CYTH2: variants seen among roughly 807,000 people sequenced by gnomAD.
The protein encoded by CYTH2 is cytohesin-2.
Under a neutral mutation model 55.4 loss-of-function variants are expected in CYTH2, and 24 were observed. The ratio of observed to expected loss-of-function variants is 0.43; its 90% CI spans 0.31 to 0.61. CYTH2 has a LOEUF of 0.61. Ranked by LOEUF, CYTH2 falls within the 20% of genes least tolerant of loss-of-function variation. The pLI, the probability that CYTH2 is intolerant of heterozygous loss-of-function variation, is 0.08. For synonymous variants in CYTH2, 221 were observed against 209.6 expected (o/e 1.05, Z -0.47); for missense variants, 378 against 533.5 (o/e 0.71, Z 2.87).
intron 1 of CYTH2, chr19:48,469,736 T>G: frequency 1.4e-6 from 1 of 727,722 alleles, no homozygotes; most frequent in Admixed American, 3.2e-5. Flanking sequence ...TGAGCCTGTT[T>G]CCGGTGGCGG....
chr19:48,476,052 CTG>C (rs755780824), intron 8 of CYTH2: 1 of 518,680 alleles, frequency 1.9e-6, no homozygotes, highest in Non-Finnish European at 3.9e-6. Context: ...GCTTTGGCCT[CTG>C]AGTCTTGGGG....
chr19:48,471,778 G>A (rs543064702), intron 3 of CYTH2, among the ~76,000 whole-genome samples: 5 of 152,304 alleles, frequency 3.3e-5, no homozygotes, highest in Admixed American at 6.5e-5. Flanking sequence ...GGCTGGGTTC[G>A]GTGGCTTATG....
At position 48,479,222 on chromosome 19, in the gene CYTH2, C is replaced by T; in HGVS notation, c.*12C>T. Reference sequence around the variant, plus strand: ...AGGAGCAGCCCTGACCCCCTGCCCCCAACTCCATTATTTATTACGGAGCTG... The same window carrying T: ...AGGAGCAGCCCTGACCCCCTGCCCCTAACTCCATTATTTATTACGGAGCTG... On this transcript the variant is annotated 3_prime_UTR_variant, in exon 12 of 12. Transcript: ENST00000452733. 6.2e-7 allele frequency: 1 copy of T among 1,613,804 alleles called. No homozygotes were observed. The highest frequency in any genetic ancestry group is 8.5e-7 in the Non-Finnish European group (1 of 1,179,804).
Position 48,473,315 on chromosome 19 carries a change from C to T in CYTH2, c.371C>T (p.Ala124Val). 3 of 1,614,094 alleles carry T rather than the reference C, an allele frequency of 1.9e-6. No individual in the cohort carries two copies. Among genetic ancestry groups the T allele is most frequent in the Middle Eastern group, 1.7e-4 (1 of 6,060 alleles). The change falls in exon 5 of 12, where the codon GCA (alanine) becomes GTA (valine). Residue 124 changes from alanine to valine, a missense_variant. Physicochemically the swap from Ala to Val is moderately conservative, Grantham distance 64 (BLOSUM62 0). Coordinates refer to ENST00000452733, the MANE Select transcript of CYTH2 (RefSeq NM_004228.7). Reference protein sequence around the residue: ...YLGEREELNLAVLHAFVDLHE... With the variant: ...YLGEREELNLVVLHAFVDLHE... ...CCTTCCAGGGAAGAACTGAACCTGG[C>T]AGTGCTCCATGCTTTTGTGGATCTG...
chr19:48,476,089 T>C, intron 8 of CYTH2: 1 of 501,898 alleles, frequency 2.0e-6, no homozygotes, highest in South Asian at 1.4e-5. Context: ...AACTGTGCTC[T>C]TAAACCAGGG....
In CYTH2 at chr19:48,479,562, G is replaced by A. The variant is rs1158968835; in HGVS notation, c.*352G>A. ...AGCAGGAGTGGAGTAAAGGGAGAAG[G>A]TTAATATGGTGGGAGTCTGGAGTTG... On this transcript the variant is annotated 3_prime_UTR_variant, in exon 12 of 12. Coordinates refer to ENST00000452733, the MANE Select transcript of CYTH2 (RefSeq NM_004228.7). 2 of 266,640 alleles carry A rather than the reference G, an allele frequency of 7.5e-6. No homozygotes were observed. Among genetic ancestry groups the A allele is most frequent in the Admixed American group, 4.8e-5 (1 of 20,894 alleles). The allele number at this position is 266,640 out of a possible 1,614,324, so 16.5% of individuals were successfully genotyped here.
At chr19:48,477,712 C>A in intron 8 of CYTH2, 1 of 273,518 alleles carries the variant, frequency 3.7e-6, no homozygotes. Context: ...CGCTGTCTGC[C>A]CCAGGAGGTA....
At chr19:48,477,702 C>T (rs1030849643) in intron 8 of CYTH2, 12 of 250,030 alleles carry the variant, frequency 4.8e-5, no homozygotes, top group Non-Finnish European at 9.3e-5. Context: ...CCTGCTTTCT[C>T]GCTGTCTGCC....
chr19:48,473,754 T>G (rs1408016006), intron 5 of CYTH2, 151 bp from the exon 6 acceptor site: 2 of 649,748 alleles, frequency 3.1e-6, no homozygotes, highest in African/African-American at 3.7e-5. Flanking sequence ...CAATGCCCAT[T>G]GGTGAGACTG....
intron 1 of CYTH2, chr19:48,469,731 C>T: frequency 1.2e-6 from 1 of 808,828 alleles, no homozygotes; most frequent in Non-Finnish European, 1.9e-6. Flanking sequence ...TGGGCTGAGC[C>T]TGTTTCCGGT....
In CYTH2 at chr19:48,474,972, T is replaced by C; in HGVS notation, c.808+23T>C. On this transcript the variant is annotated intron_variant, in intron 8 of 11. Coordinates refer to ENST00000452733, the MANE Select transcript of CYTH2 (RefSeq NM_004228.7). This position sits in a 1 kb window ranked among gnomAD's most constrained non-coding sequence, Gnocchi z 4.9. The stretch of plus-strand genomic sequence containing the variant: ...TGGGTACGTGCCCTCCCGACCCCGC[T>C]GGTCCCTCCGCAGGAGGACATTTGT... 6.2e-7 allele frequency: 1 copy of C among 1,607,774 alleles called. No individual in the cohort carries two copies. Among genetic ancestry groups the C allele is most frequent in the Non-Finnish European group, 8.5e-7 (1 of 1,174,964 alleles).
At chr19:48,471,185 A>ATGTGTGTGTGTGTGTGTGTGTGTGTGTGT (rs1971785157) in intron 3 of CYTH2, among the ~76,000 whole-genome samples, 1 of 126,182 alleles carries the variant, frequency 7.9e-6, no homozygotes, top group African/African-American at 5.0e-5. Flanking sequence ...TGTGTGAGAC[A>ATGTGTGTGTGTGTGTGTGTGTGTGTGTGT]GAGTCTTGCT....
rs1272806322 is a variant in CYTH2, at chr19:48,479,110, TCC to T, written c.1113-10_1113-9del. 5.0e-6 allele frequency: 8 copies of T among 1,613,616 alleles called. No individual in the cohort carries two copies. The highest frequency in any genetic ancestry group is 6.8e-6 in the Non-Finnish European group (8 of 1,179,772). On this transcript the variant is annotated splice_polypyrimidine_tract_variant and intron_variant, in intron 11 of 11. Coordinates refer to ENST00000452733, the MANE Select transcript of CYTH2 (RefSeq NM_004228.7). ...TCCTTGGCCCTCATCCTGGGACCCC[TCC>T]CCTTCTGCAGGGCGGCTGTGAGTGT... is the stretch of plus-strand genomic sequence containing the variant.
intron 8 of CYTH2, chr19:48,475,224 G>T (rs1447952857): frequency 7.2e-6 from 3 of 419,002 alleles, no homozygotes; most frequent in African/African-American, 6.2e-5. Flanking sequence ...GGCTGAGGAG[G>T]CAGTGAGAGG....
intron 1 of CYTH2, 105 bp from the exon 2 acceptor site, chr19:48,470,248 G>A: frequency 2.0e-6 from 3 of 1,466,316 alleles, no homozygotes; most frequent in Middle Eastern, 1.9e-4. Context: ...GCAGACATAG[G>A]AAGCCCCTTA....
Position 48,474,320 on chromosome 19 carries a change from A to T in CYTH2, c.686A>T (p.Glu229Val), listed in dbSNP as rs540207507. The T allele has an allele frequency of 5.6e-6, 9 of 1,605,564 alleles. No homozygotes were observed. The East Asian group carries it at 8.9e-5, about 16-fold the overall frequency. The part of the protein sequence containing the change: ...GINEGGDLPE[E>V]LLRNLYDSIR... ...AACGAGGGCGGGGACCTGCCTGAGG[A>T]GCTGCTCAGGGTCAGTCCCCCTTCC... The change falls in exon 7 of 12, where the codon GAG (glutamate) becomes GTG (valine). Residue 229 changes from glutamate (E) to valine (V), a missense_variant. By Grantham distance (121) the Glu-to-Val change is moderately radical. Transcript: ENST00000452733. The surrounding 1 kb of genome is among the most constrained non-coding windows in gnomAD (Gnocchi z 4.9).
At position 48,479,168 on chromosome 19, in the gene CYTH2, A is replaced by G. The variant is rs1972002034; in HGVS notation, c.1158A>G (p.Arg386=). ...VDPFYEMLAA[R]KKRISVKKKQ... ...CCTTCTATGAGATGCTGGCAGCGAG[A>G]AAGAAGCGGATTTCAGTCAAGAAGA... Residue 386 remains arginine, a synonymous_variant, in exon 12 of 12, where the codon AGA becomes AGG. Coordinates refer to ENST00000452733, the MANE Select transcript of CYTH2 (RefSeq NM_004228.7). 2 of 1,613,956 alleles carry G rather than the reference A, an allele frequency of 1.2e-6. No homozygotes were observed. The highest frequency in any genetic ancestry group is 2.2e-5 in the South Asian group (2 of 91,088).
At chr19:48,470,159 C>T in intron 1 of CYTH2, 194 bp from the exon 2 acceptor site, 1 of 892,288 alleles carries the variant, frequency 1.1e-6, no homozygotes, top group East Asian at 2.5e-5. Flanking sequence ...TCCCCTTGTC[C>T]CCCAGGACTC....
chr19:48,477,350 CTT>C (rs1270465143), intron 8 of CYTH2: 1 of 152,358 alleles, frequency 6.6e-6, no homozygotes, highest in Non-Finnish European at 1.5e-5. Context: ...GGCAGAGGCA[CTT>C]TTACCATGTC....
Sources: allele counts gnomAD v4.1 joint callset (sites outside exome capture counted in the v4.1 genomes callset), GRCh38; gene constraint gnomAD v4.1.1; non-coding constraint Gnocchi (gnomAD v3.1); transcripts MANE v1.5; gene names NCBI Gene and HGNC (gene_info 2026-07-23, HGNC 2026-07-21).